PTGR1: variants seen among roughly 807,000 people sequenced by gnomAD.
PTGR1 encodes the protein prostaglandin reductase 1.
PTGR1 carries 23 observed loss-of-function variants against 37.7 expected under a neutral mutation model. The ratio of observed to expected loss-of-function variants is 0.61; its 90% CI spans 0.44 to 0.86. PTGR1 has a LOEUF of 0.86. Among genes scored for constraint, PTGR1 ranks in the 40% least tolerant of loss-of-function variants. The pLI, the probability that PTGR1 is intolerant of heterozygous loss-of-function variation, is 0.00. For missense variants in PTGR1, 351 were observed against 394.3 expected, an observed-to-expected ratio of 0.89 and a Z score of 0.93; for synonymous variants, 134 against 140.0, an observed-to-expected ratio of 0.96 and a Z score of 0.30.
At chr9:111,569,551 G>A (rs1379364204) in intron 9 of PTGR1, among the ~76,000 whole-genome samples, 1 of 152,188 alleles carries the variant, frequency 6.6e-6, no homozygotes, top group African/African-American at 2.4e-5. Flanking sequence ...ACTGAGGCGG[G>A]CGCATCACTT....
intron 4 of PTGR1, chr9:111,589,195 C>T (rs111702388): frequency 5.5e-5 from 9 of 163,852 alleles, no homozygotes; most frequent in African/African-American, 1.4e-4. Flanking sequence ...TAGCAAGAAA[C>T]GTATAAGACC....
chr9:111,562,040 C>G (rs1828341524), downstream of PTGR1, among the ~76,000 whole-genome samples: 1 of 152,112 alleles, frequency 6.6e-6, no homozygotes, highest in Non-Finnish European at 1.5e-5. Context: ...CACCCGCTAC[C>G]ATGCCCAGCT....
Position 111,585,982 on chromosome 9 carries a change from T to C in PTGR1, c.377+16A>G. On this transcript the variant is annotated intron_variant, in intron 5 of 9. Transcript: ENST00000407693. The stretch of plus-strand genomic sequence containing the variant: ...GTCAGACATTCAAACAAATGGAATA[T>C]ATCCATGAAACTCACCCTGGCATGC... 1.2e-6 allele frequency: 2 copies of C among 1,613,500 alleles called. No individual in the cohort carries two copies. Among genetic ancestry groups the C allele is most frequent in the African/African-American group, 1.3e-5 (1 of 75,022 alleles).
At chr9:111,585,961 G>C (rs910607079) in intron 5 of PTGR1, 37 bp downstream of exon 5, 1 of 1,607,534 alleles carries the variant, frequency 6.2e-7, no homozygotes, top group African/African-American at 1.3e-5. Flanking sequence ...CAGAGTGTCA[G>C]ACATTCAAAC....
At chr9:111,561,140 AG>A (rs1475398979), downstream of PTGR1, among the ~76,000 whole-genome samples, 44 of 34,928 alleles carry the variant, frequency 1.3e-3, 3 homozygotes, top group South Asian at 1.8e-3. Context: ...GAGAGAGAGG[AG>A]AGAGAGGGAG....
chr9:111,561,201 C>G (rs949411821), downstream of PTGR1, among the ~76,000 whole-genome samples: 4 of 138,630 alleles, frequency 2.9e-5, no homozygotes, highest in African/African-American at 1.1e-4. Flanking sequence ...TTCTTCCTGT[C>G]CAAGAGTATG....
intron 4 of PTGR1, among the ~76,000 whole-genome samples, chr9:111,590,164 G>A (rs1444510561): frequency 6.6e-6 from 1 of 151,958 alleles, no homozygotes; most frequent in Non-Finnish European, 1.5e-5. Context: ...AAAGGAAAAG[G>A]GCAAAGGATA....
intron 9 of PTGR1, among the ~76,000 whole-genome samples, chr9:111,553,697 G>A (rs1160517825): frequency 2.6e-5 from 4 of 152,214 alleles, no homozygotes; most frequent in African/African-American, 4.8e-5. Context: ...GTGAATTGTA[G>A]TTCTATCAAA....
At chr9:111,560,982 G>T (rs575769885), downstream of PTGR1, among the ~76,000 whole-genome samples, 297 of 44,828 alleles carry the variant, frequency 6.6e-3, 11 homozygotes, top group East Asian at 0.017. Flanking sequence ...TATAGAGAGA[G>T]AGAGAGAGAG....
chr9:111,591,119 C>G (rs1183487324), intron 4 of PTGR1, among the ~76,000 whole-genome samples: 1 of 151,770 alleles, frequency 6.6e-6, no homozygotes, highest in African/African-American at 2.4e-5. Context: ...TGGAGAAACC[C>G]CATCTCTACT....
At chr9:111,586,286 T>G (rs1420757231) in intron 4 of PTGR1, 121 bp from the exon 5 acceptor site, 2 of 922,778 alleles carry the variant, frequency 2.2e-6, no homozygotes, top group Non-Finnish European at 3.4e-6. Context: ...CCACAACTGA[T>G]AGTCCACCAC....
intron 5 of PTGR1, among the ~76,000 whole-genome samples, chr9:111,585,780 AGTAT>A (rs1829409286): frequency 6.6e-6 from 1 of 152,216 alleles, no homozygotes; most frequent in Admixed American, 6.5e-5. Flanking sequence ...AAGGCTGGAT[AGTAT>A]TCTGCTATGT....
chr9:111,574,721 A>G lies in PTGR1; in HGVS notation c.760+13T>C. 1 of 1,590,556 alleles carries G rather than the reference A, an allele frequency of 6.3e-7. No individual in the cohort carries two copies. The highest frequency in any genetic ancestry group is 8.6e-7 in the Non-Finnish European group (1 of 1,160,118). On this transcript the variant is annotated intron_variant, in intron 8 of 9. Coordinates refer to ENST00000407693, the MANE Select transcript of PTGR1 (RefSeq NM_001146108.2). Reference sequence around the variant, plus strand: ...CCTTGTGACATATGGGATCGTGTGCATGTGCTCATTACCTGGGGGAAGTGG... The same window carrying G: ...CCTTGTGACATATGGGATCGTGTGCGTGTGCTCATTACCTGGGGGAAGTGG...
chr9:111,580,191 T>G (rs1829236827), intron 6 of PTGR1, among the ~76,000 whole-genome samples: 1 of 152,248 alleles, frequency 6.6e-6, no homozygotes, highest in African/African-American at 2.4e-5. Flanking sequence ...CCCATTTTTT[T>G]TCTCCTGAGT....
intron 5 of PTGR1, among the ~76,000 whole-genome samples, 168 bp from the exon 6 acceptor site, chr9:111,583,757 T>G (rs1829350685): frequency 6.6e-6 from 1 of 152,192 alleles, no homozygotes. Flanking sequence ...TTCCTCCATC[T>G]CTACTGTCAG....
intron 6 of PTGR1, 138 bp from the exon 7 acceptor site, chr9:111,579,089 A>C: frequency 2.5e-6 from 2 of 795,770 alleles, no homozygotes; most frequent in East Asian, 2.8e-5. Flanking sequence ...GGAATACCAT[A>C]ATGGGCCAAC....
intron 9 of PTGR1, among the ~76,000 whole-genome samples, chr9:111,553,815 A>G (rs1271400975): frequency 6.6e-6 from 1 of 152,254 alleles, no homozygotes; most frequent in Non-Finnish European, 1.5e-5. Flanking sequence ...AGTGACTACC[A>G]TATTAAGTTG....
intron 6 of PTGR1, among the ~76,000 whole-genome samples, chr9:111,583,189 G>A (rs1207664871): frequency 6.6e-6 from 1 of 152,232 alleles, no homozygotes; most frequent in Non-Finnish European, 1.5e-5. Flanking sequence ...TTAAGCTGTA[G>A]CGATAGAATG....
downstream of PTGR1, among the ~76,000 whole-genome samples, chr9:111,561,272 GT>G (rs1039558132): frequency 1.3e-4 from 19 of 150,988 alleles, no homozygotes; most frequent in African/African-American, 3.9e-4. Context: ...TTTTGTTGTT[GT>G]TTTGTTTTTA....
Sources: allele counts gnomAD v4.1 joint callset (sites outside exome capture counted in the v4.1 genomes callset), GRCh38; gene constraint gnomAD v4.1.1; transcripts MANE v1.5; gene names NCBI Gene and HGNC (gene_info 2026-07-23, HGNC 2026-07-21).